Variants in ZRSR2 observed in about 807,000 individuals in gnomAD.
ZRSR2 encodes U2 small nuclear ribonucleoprotein auxiliary factor 35 kDa subunit-related protein 2.
ZRSR2 carries 3 observed loss-of-function variants against 39.4 expected under a neutral mutation model. The observed-to-expected ratio is 0.08, with a 90% CI of 0.03 to 0.20. ZRSR2 has a LOEUF of 0.20. Among genes scored for constraint, ZRSR2 ranks in the 10% least tolerant of loss-of-function variants. ZRSR2 has a pLI of 1.00. For synonymous variants in ZRSR2, 137 were observed against 136.0 expected (o/e 1.01, Z -0.05); for missense variants, 256 against 391.5 (o/e 0.65, Z 2.92).
At chrX:15,791,506 G>A (rs1303238875) in intron 2 of ZRSR2, among the ~76,000 whole-genome samples, 1 of 111,094 alleles carries the variant, frequency 9.0e-6, no homozygotes, top group Non-Finnish European at 1.9e-5. Flanking sequence ...ACAGGGTCTT[G>A]TTCTGTTGCC....
intron 7 of ZRSR2, among the ~76,000 whole-genome samples, chrX:15,815,455 G>A (rs1393777974): frequency 8.9e-6 from 1 of 111,915 alleles, no homozygotes; most frequent in African/African-American, 3.2e-5. Flanking sequence ...ACAGGCGCAC[G>A]CCAACACGCC....
At chrX:15,815,227 T>C (rs944206808) in intron 7 of ZRSR2, among the ~76,000 whole-genome samples, 1 of 112,960 alleles carries the variant, frequency 8.9e-6, no homozygotes, top group African/African-American at 3.2e-5. Flanking sequence ...TGGGGTTTAT[T>C]ATCTTTCAGT....
intron 7 of ZRSR2, among the ~76,000 whole-genome samples, chrX:15,810,487 C>G (rs1932862385): frequency 9.0e-6 from 1 of 111,544 alleles, no homozygotes; most frequent in South Asian, 3.7e-4. Flanking sequence ...AATCAGAAAC[C>G]ATATGTCATC....
chrX:15,791,178 T>C (rs1932264976), intron 2 of ZRSR2, among the ~76,000 whole-genome samples, 165 bp downstream of exon 2: 1 of 111,915 alleles, frequency 8.9e-6, no homozygotes, highest in South Asian at 3.7e-4. Context: ...TCAGAAACAA[T>C]GTTAACATAC....
chrX:15,811,031 T>C (rs898154890), intron 7 of ZRSR2, among the ~76,000 whole-genome samples: 13 of 109,930 alleles, frequency 1.2e-4, no homozygotes, highest in African/African-American at 4.3e-4. Context: ...TATGTCCTTT[T>C]GTATTTTAGA....
intron 10 of ZRSR2, 147 bp from the exon 11 acceptor site, chrX:15,822,584 C>A: frequency 9.6e-7 from 1 of 1,041,502 alleles, no homozygotes; most frequent in Non-Finnish European, 1.3e-6. Flanking sequence ...ATTATGACAT[C>A]AATTTATGTA....
Position 15,820,531 on chromosome X carries a change from G to A in ZRSR2, c.937+215G>A, listed in dbSNP as rs1441934074. ...TAGATGAAGTGACTGAGGTCACAACGTATTGGTGACAGAGGTGGGGCTAGA... is the reference window on the plus strand; with the variant it reads ...TAGATGAAGTGACTGAGGTCACAACATATTGGTGACAGAGGTGGGGCTAGA... On this transcript the variant is annotated intron_variant, in intron 10 of 10. Coordinates refer to ENST00000307771, the MANE Select transcript of ZRSR2 (RefSeq NM_005089.4). Among the ~76,000 whole-genome samples, 3 of 111,800 alleles carry A rather than the reference G, an allele frequency of 2.7e-5. No individual in the cohort carries two copies. The East Asian group carries it at 8.4e-4, about 31-fold the overall frequency.
At chrX:15,821,505 C>T (rs1933106921) in intron 10 of ZRSR2, among the ~76,000 whole-genome samples, 1 of 110,953 alleles carries the variant, frequency 9.0e-6, no homozygotes. Context: ...GGTATATTCT[C>T]CATACAAGTA....
At chrX:15,817,806 GA>G (rs1933009098) in intron 8 of ZRSR2, among the ~76,000 whole-genome samples, 1 of 111,141 alleles carries the variant, frequency 9.0e-6, no homozygotes, top group Non-Finnish European at 1.9e-5. Context: ...GAAGCATCTT[GA>G]AAAACCATCA....
intron 8 of ZRSR2, among the ~76,000 whole-genome samples, chrX:15,816,736 C>G (rs1251085282): frequency 9.0e-6 from 1 of 111,311 alleles, no homozygotes; most frequent in East Asian, 2.8e-4. Flanking sequence ...AGGAATAGAA[C>G]CGTGATTTTT....
chrX:15,810,996 T>C (rs1038065564), intron 7 of ZRSR2, among the ~76,000 whole-genome samples: 1 of 109,777 alleles, frequency 9.1e-6, no homozygotes, highest in African/African-American at 3.3e-5. Flanking sequence ...TGCCCTAGGA[T>C]TGAGAGCCAC....
chrX:15,799,864 T>C lies in ZRSR2; in HGVS notation c.122-8T>C. The C allele has an allele frequency of 8.6e-7, 1 of 1,158,148 alleles. No homozygotes were observed. The highest frequency in any genetic ancestry group is 2.4e-4 in the Middle Eastern group (1 of 4,178). ...CACTCAGTTTAATAAAACATTTAAATTCCCTAGGACTCTCACAGAAGGAGG... is the reference window on the plus strand; with the variant it reads ...CACTCAGTTTAATAAAACATTTAAACTCCCTAGGACTCTCACAGAAGGAGG... On this transcript the variant is annotated splice_region_variant and splice_polypyrimidine_tract_variant and intron_variant, in intron 2 of 10. Coordinates refer to ENST00000307771, the MANE Select transcript of ZRSR2 (RefSeq NM_005089.4).
At chrX:15,802,749 C>T (rs1472965819) in intron 3 of ZRSR2, among the ~76,000 whole-genome samples, 2 of 111,383 alleles carry the variant, frequency 1.8e-5, no homozygotes, top group Non-Finnish European at 3.8e-5. Flanking sequence ...CGAGCCATTG[C>T]GCCCGGCCCT....
Position 15,822,915 on chromosome X carries a change from C to T in ZRSR2, c.1122C>T (p.Tyr374=). The change falls in exon 11 of 11, where the codon TAC becomes TAT. Residue 374 remains tyrosine, a synonymous_variant. Coordinates refer to ENST00000307771, the MANE Select transcript of ZRSR2 (RefSeq NM_005089.4). The part of the protein sequence containing the change: ...RERMGHHDDY[Y]SRLRGRRNPS... The stretch of plus-strand genomic sequence containing the variant: ...GGATGGGCCACCACGACGACTACTA[C>T]AGCAGGCTGCGGGGAAGGAGAAACC... 8.2e-7 allele frequency: 1 copy of T among 1,212,385 alleles called. No homozygotes were observed. The highest frequency in any genetic ancestry group is 1.1e-6 in the Non-Finnish European group (1 of 895,661).
chrX:15,794,042 G>C (rs1178323551), intron 2 of ZRSR2, among the ~76,000 whole-genome samples: 1 of 112,183 alleles, frequency 8.9e-6, no homozygotes, highest in Non-Finnish European at 1.9e-5. Context: ...TACCTCGTCA[G>C]AAATTAAGAT....
intron 9 of ZRSR2, 108 bp downstream of exon 9, chrX:15,818,750 TTTC>T: frequency 1.6e-6 from 1 of 617,189 alleles, no homozygotes; most frequent in South Asian, 3.5e-5. Context: ...ATGTATTTTA[TTTC>T]TTATGTTTTT....
intron 6 of ZRSR2, among the ~76,000 whole-genome samples, chrX:15,808,681 GTA>G (rs1337712656): frequency 9.5e-6 from 1 of 105,393 alleles, no homozygotes; most frequent in Non-Finnish European, 1.9e-5. Context: ...GAGTACAGTG[GTA>G]TGATCTCGGC....
Position 15,790,522 on chromosome X carries a change from T to G in ZRSR2, c.27T>G (p.Phe9Leu). 1 of 1,161,020 alleles carries G rather than the reference T, an allele frequency of 8.6e-7. No individual in the cohort carries two copies. The highest frequency in any genetic ancestry group is 1.1e-6 in the Non-Finnish European group (1 of 871,473). MAAPEKMT[F>L]PEKPSHKKYR... is the part of the protein sequence containing the mutation. ...TGGCTGCGCCCGAGAAGATGACGTTTCCCGAGAAACCAAGGTAAGCGCCGT... is the reference window on the plus strand; with the variant it reads ...TGGCTGCGCCCGAGAAGATGACGTTGCCCGAGAAACCAAGGTAAGCGCCGT... Residue 9 changes from phenylalanine to leucine, a missense_variant, in exon 1 of 11, where the codon TTT (phenylalanine) becomes TTG (leucine). Phe to Leu is a conservative substitution (Grantham distance 22). Transcript: ENST00000307771.
chrX:15,821,384 T>C (rs1443762771), intron 10 of ZRSR2, among the ~76,000 whole-genome samples: 1 of 110,698 alleles, frequency 9.0e-6, no homozygotes, highest in African/African-American at 3.3e-5. Context: ...CTGAGCATCT[T>C]TTCATTATTG....
Sources: gnomAD v4.1 joint callset for allele counts (sites outside exome capture counted in the v4.1 genomes callset) on GRCh38, gnomAD v4.1.1 for gene constraint, MANE v1.5 for transcripts, NCBI Gene and HGNC (gene_info 2026-07-23, HGNC 2026-07-21) for gene names.